The following MYB variants were observed in gnomAD, a reference collection of about 807,000 sequenced individuals.
The protein encoded by MYB is MYB proto-oncogene, transcription factor, also known as transcriptional activator Myb.
In MYB, 28 loss-of-function variants were observed where a neutral mutation model predicts 92.9. The ratio of observed to expected loss-of-function variants is 0.30; its 90% CI spans 0.22 to 0.41. MYB has a LOEUF of 0.41. Ranked by LOEUF, MYB falls within the 10% of genes least tolerant of loss-of-function variation. The pLI is 1.00. For synonymous variants in MYB, 295 were observed against 329.1 expected (o/e 0.90, Z 1.12); for missense variants, 679 against 929.3 (o/e 0.73, Z 3.50).
Position 135,203,282 on chromosome 6 carries a change from A to G in MYB, c.2127A>G (p.Ala709=). The G allele has an allele frequency of 6.2e-7, 1 of 1,611,166 alleles. No homozygotes were observed. Among genetic ancestry groups the G allele is most frequent in the South Asian group, 1.1e-5 (1 of 91,008 alleles). ...AAGATGAAGACAATGTTCTCAAAGC[A>G]TTTACAGTACCTAAAAACAGGTCCC... The part of the protein sequence containing the change: ...ASEDEDNVLK[A]FTVPKNRSLA... Residue 709 remains alanine, a synonymous_variant, in exon 15 of 16, where the codon GCA becomes GCG. Coordinates refer to ENST00000341911, the MANE Select transcript of MYB (RefSeq NM_001130173.2).
At chr6:135,194,603 A>G (rs1008699302) in intron 8 of MYB, 143 bp downstream of exon 8, 5 of 635,674 alleles carry the variant, frequency 7.9e-6, no homozygotes, top group African/African-American at 7.3e-5. Flanking sequence ...TGCTTGTAGT[A>G]AAATGTAGTT....
chr6:135,198,236 G>T (rs1291863680), intron 10 of MYB, among the ~76,000 whole-genome samples: 2 of 152,188 alleles, frequency 1.3e-5, no homozygotes, highest in Admixed American at 1.3e-4. Flanking sequence ...AAGCACAGGA[G>T]TTCAAGTTCA....
intron 8 of MYB, 21 bp from the exon 9 acceptor site, chr6:135,195,727 A>G: frequency 6.2e-7 from 1 of 1,611,686 alleles, no homozygotes; most frequent in Non-Finnish European, 8.5e-7. Context: ...CTTTATTTCT[A>G]CACCCTTCCC....
At position 135,198,227 on chromosome 6, in the gene MYB, A is replaced by G. The variant is rs187620164; in HGVS notation, c.1567-681A>G. ...GAAGCTAAGGCAAGAGGATTGCTTA[A>G]GCACAGGAGTTCAAGTTCAGCCTGG... On this transcript the variant is annotated intron_variant, in intron 10 of 15. Transcript: ENST00000341911. 2.5e-4 allele frequency among the ~76,000 whole-genome samples: 38 copies of G among 152,356 alleles called. No homozygotes were observed. In the East Asian group the frequency reaches 7.1e-3, roughly 29 times the overall value.
Position 135,190,837 on chromosome 6 carries a change from T to C in MYB, c.527+490T>C, listed in dbSNP as rs894804073. Among the ~76,000 whole-genome samples the C allele has an allele frequency of 6.6e-6, 1 of 152,168 alleles. No individual in the cohort carries two copies. The highest frequency in any genetic ancestry group is 6.5e-5 in the Admixed American group (1 of 15,278). On this transcript the variant is annotated intron_variant, in intron 5 of 15. Coordinates refer to ENST00000341911, the MANE Select transcript of MYB (RefSeq NM_001130173.2). This position sits in a 1 kb window ranked among gnomAD's most constrained non-coding sequence, Gnocchi z 4.5. ...AGACAGAGGCTTGTTCTGTCACACA[T>C]GAGTGACAGAGTGCAGTGGCATGAT...
intron 2 of MYB, 39 bp downstream of exon 2, chr6:135,186,059 A>C: frequency 6.4e-7 from 1 of 1,567,088 alleles, no homozygotes. Flanking sequence ...AAATAGATAG[A>C]GTGTATAATT....
At chr6:135,197,694 A>G (rs1297528734) in intron 10 of MYB, among the ~76,000 whole-genome samples, 12 of 152,132 alleles carry the variant, frequency 7.9e-5, no homozygotes, top group Admixed American at 7.9e-4. Flanking sequence ...ATTTATTCTT[A>G]TGCGATTCAC....
chr6:135,212,547 G>C (rs1265008667), intron 15 of MYB, among the ~76,000 whole-genome samples: 1 of 152,066 alleles, frequency 6.6e-6, no homozygotes, highest in Admixed American at 6.5e-5. Flanking sequence ...CCCAGTTAAA[G>C]CTTTGACAGA....
Position 135,200,140 on chromosome 6 carries a change from A to G in MYB, c.1765A>G (p.Thr589Ala), listed in dbSNP as rs771538068. Residue 589 changes from threonine (T) to alanine (A), a missense_variant, in exon 12 of 16, where the codon ACA becomes GCA. Transcript: ENST00000341911. ...CTTAGAAAGCTCTCCAAGAACTCCT[A>G]CACCATTCAAACATGCACTTGCAGC... ...SILESSPRTP[T>A]PFKHALAAQE... 5.0e-6 allele frequency: 8 copies of G among 1,614,070 alleles called. No individual in the cohort carries two copies. Among genetic ancestry groups the G allele is most frequent in the Admixed American group, 3.3e-5 (2 of 60,004 alleles).
intron 15 of MYB, among the ~76,000 whole-genome samples, chr6:135,212,153 T>C (rs886971387): frequency 1.3e-5 from 2 of 151,190 alleles, no homozygotes; most frequent in Admixed American, 6.6e-5. Flanking sequence ...TTATATACCA[T>C]TGATGCCTGC....
chr6:135,201,289 T>C (rs375854138), intron 13 of MYB, among the ~76,000 whole-genome samples: 11 of 152,316 alleles, frequency 7.2e-5, no homozygotes, highest in Admixed American at 4.6e-4. Flanking sequence ...AAACCAGTCT[T>C]TTGTCACCAA....
chr6:135,203,127 C>A, intron 14 of MYB, 90 bp from the exon 15 acceptor site: 1 of 927,810 alleles, frequency 1.1e-6, no homozygotes. Context: ...TGTATCATCT[C>A]ATAGTAATCT....
At chr6:135,197,943 T>C (rs1266496736) in intron 10 of MYB, among the ~76,000 whole-genome samples, 1 of 152,258 alleles carries the variant, frequency 6.6e-6, no homozygotes, top group Admixed American at 6.5e-5. Flanking sequence ...GGAATATTTT[T>C]ATTTCATACA....
chr6:135,211,910 G>A (rs980068670), intron 15 of MYB, among the ~76,000 whole-genome samples: 3 of 152,112 alleles, frequency 2.0e-5, no homozygotes, highest in Admixed American at 6.5e-5. Flanking sequence ...ATTTACTCTC[G>A]AGAAAAGTTT....
intron 1 of MYB, among the ~76,000 whole-genome samples, chr6:135,183,194 G>A (rs1007511122): frequency 1.3e-5 from 2 of 151,852 alleles, no homozygotes; most frequent in African/African-American, 4.8e-5. Context: ...GGAGGGGCGG[G>A]AGCCTTGAAC....
intron 1 of MYB, among the ~76,000 whole-genome samples, chr6:135,184,537 A>G (rs1001407341): frequency 6.6e-6 from 1 of 151,958 alleles, no homozygotes; most frequent in Admixed American, 6.6e-5. Context: ...AATTTGGATT[A>G]CATCATGTCG....
rs1776456267 is a variant in MYB, at chr6:135,190,155, C to T, written c.335C>T (p.Pro112Leu). ...ATAGAGCTTGTACAGAAATACGGTC[C>T]GAAACGTTGGTCTGTTATTGCCAAG... ...RVIELVQKYG[P>L]KRWSVIAKHL... is the part of the protein sequence containing the mutation. Residue 112 changes from proline to leucine, a missense_variant, in exon 5 of 16, where the codon CCG becomes CTG. Pro to Leu is a moderately conservative substitution (Grantham distance 98, BLOSUM62 -3). Coordinates refer to ENST00000341911, the MANE Select transcript of MYB (RefSeq NM_001130173.2). The surrounding 1 kb of genome is among the most constrained non-coding windows in gnomAD (Gnocchi z 4.5). 3 of 1,614,024 alleles carry T rather than the reference C, an allele frequency of 1.9e-6. No individual in the cohort carries two copies. The highest frequency in any genetic ancestry group is 1.7e-6 in the Non-Finnish European group (2 of 1,179,990).
intron 9 of MYB, among the ~76,000 whole-genome samples, chr6:135,196,499 C>G (rs1179232563): frequency 6.6e-6 from 1 of 152,192 alleles, no homozygotes; most frequent in Non-Finnish European, 1.5e-5. Flanking sequence ...TTGGTCATAC[C>G]TGGCTCTTTC....
intron 15 of MYB, among the ~76,000 whole-genome samples, chr6:135,204,333 C>T (rs139375852): frequency 6.8e-4 from 103 of 152,298 alleles, no homozygotes; most frequent in African/African-American, 2.3e-3. Flanking sequence ...GGGTCTTACC[C>T]GGTGGCCCAG....
Sources: allele counts gnomAD v4.1 joint callset (sites outside exome capture counted in the v4.1 genomes callset), GRCh38; gene constraint gnomAD v4.1.1; non-coding constraint Gnocchi (gnomAD v3.1); transcripts MANE v1.5; gene names NCBI Gene and HGNC (gene_info 2026-07-23, HGNC 2026-07-21).